Variants in CCDC73 observed in about 807,000 individuals in gnomAD.
CCDC73 encodes the protein coiled-coil domain containing 73, also known as coiled-coil domain-containing protein 73.
A neutral mutation model predicts 116.5 loss-of-function variants in CCDC73; 95 were observed. The ratio of observed to expected loss-of-function variants is 0.82; its 90% CI spans 0.69 to 0.97. CCDC73 has a LOEUF of 0.97. Among genes scored for constraint, CCDC73 ranks in the 50% least tolerant of loss-of-function variants. The pLI is 0.00. For missense variants in CCDC73, 1,066 were observed against 1,206.8 expected, an observed-to-expected ratio of 0.88 and a Z score of 1.73; for synonymous variants, 398 against 401.3, an observed-to-expected ratio of 0.99 and a Z score of 0.10.
chr11:32,815,918 C>G, the CCDC73 span, among the ~76,000 whole-genome samples: 1 of 152,140 alleles, frequency 6.6e-6, no homozygotes, highest in Admixed American at 6.5e-5. Flanking sequence ...GAAACTTCTT[C>G]TGGAGTGGGG....
intron 2 of CCDC73, among the ~76,000 whole-genome samples, chr11:32,741,598 G>A (rs931978252): frequency 1.3e-5 from 2 of 151,428 alleles, no homozygotes; most frequent in African/African-American, 4.9e-5. Context: ...TCTCTTGTAG[G>A]TAACAGATTG....
chr11:32,719,978 A>G (rs1849976479), intron 2 of CCDC73, among the ~76,000 whole-genome samples: 1 of 152,216 alleles, frequency 6.6e-6, no homozygotes, highest in Non-Finnish European at 1.5e-5. Flanking sequence ...AAATATTTAA[A>G]GAATTAACAC....
At position 32,613,551 on chromosome 11, in the gene CCDC73, T is replaced by G. The variant is rs777747155; in HGVS notation, c.2767A>C (p.Ser923Arg). The change falls in exon 16 of 18, where the codon AGT (serine) becomes CGT (arginine). Residue 923 changes from serine to arginine, a missense_variant. Coordinates refer to ENST00000335185, the MANE Select transcript of CCDC73 (RefSeq NM_001008391.4). ...VNHIESQTAS[S>R]STPCISLLLK... The stretch of plus-strand genomic sequence containing the variant: ...AACAAAGAAATGCAAGGGGTCGAAC[T>G]GCTCGCTGTTTGACTTTCAATGTGA... 3.7e-6 allele frequency: 6 copies of G among 1,614,048 alleles called. No individual in the cohort carries two copies. The highest frequency in any genetic ancestry group is 1.7e-5 in the Admixed American group (1 of 59,994).
chr11:32,821,047 G>GT, the CCDC73 span, among the ~76,000 whole-genome samples: 2 of 151,978 alleles, frequency 1.3e-5, no homozygotes, highest in Admixed American at 1.3e-4. Flanking sequence ...GTCTGAAAAT[G>GT]TTTAATTTTG....
chr11:32,783,280 G>T (rs1850598597), intron 1 of CCDC73, among the ~76,000 whole-genome samples: 3 of 152,112 alleles, frequency 2.0e-5, no homozygotes, highest in Admixed American at 1.3e-4. Context: ...TACCAGATTG[G>T]AATTTTAACA....
chr11:32,614,781 T>G lies in CCDC73; in HGVS notation c.1537A>C (p.Thr513Pro). ...CATATCTTGTCTTTTATTTCTGTAG[T>G]AACTGATTTTCTGTTGTCCGTAACA... is the stretch of plus-strand genomic sequence containing the variant. ...SNVTDNRKSVTTEIKDKICLE... is the reference protein window; with the variant it reads ...SNVTDNRKSVPTEIKDKICLE... The change falls in exon 16 of 18, where the codon ACT becomes CCT. Residue 513 changes from threonine (T) to proline (P), a missense_variant. By Grantham distance (38) the Thr-to-Pro change is conservative. Transcript: ENST00000335185. 1 of 1,613,436 alleles carries G rather than the reference T, an allele frequency of 6.2e-7. No individual in the cohort carries two copies. Among genetic ancestry groups the G allele is most frequent in the South Asian group, 1.1e-5 (1 of 91,048 alleles).
intron 14 of CCDC73, among the ~76,000 whole-genome samples, chr11:32,634,520 GATAAAGAGT>G (rs1372954431): frequency 6.6e-5 from 10 of 152,154 alleles, no homozygotes; most frequent in African/African-American, 2.4e-4. Flanking sequence ...TTCTCAAACT[GATAAAGAGT>G]ATAAACAAAA....
intron 17 of CCDC73, among the ~76,000 whole-genome samples, chr11:32,609,607 C>G (rs1004374927): frequency 1.3e-5 from 2 of 152,142 alleles, no homozygotes; most frequent in Non-Finnish European, 2.9e-5. Flanking sequence ...GTTGCTTCCA[C>G]ATTTTCGGGT....
At chr11:32,642,644 AT>A (rs1855743361) in intron 12 of CCDC73, among the ~76,000 whole-genome samples, 6 of 151,978 alleles carry the variant, frequency 3.9e-5, no homozygotes, top group African/African-American at 7.2e-5. Context: ...TAGAGTAAAA[AT>A]ACTACCATGT....
chr11:32,632,384 C>T (rs867321025), intron 14 of CCDC73, among the ~76,000 whole-genome samples: 7 of 152,114 alleles, frequency 4.6e-5, no homozygotes, highest in Non-Finnish European at 8.8e-5. Flanking sequence ...TGCCACCATG[C>T]CCGGATAATT....
At chr11:32,745,712 G>T (rs1261410906) in intron 2 of CCDC73, among the ~76,000 whole-genome samples, 5 of 132,618 alleles carry the variant, frequency 3.8e-5, no homozygotes, top group African/African-American at 5.7e-5. Context: ...TGCAACCCCT[G>T]GTTTTTGTTT....
intron 7 of CCDC73, among the ~76,000 whole-genome samples, chr11:32,679,157 A>T (rs1381019857): frequency 6.6e-6 from 1 of 152,144 alleles, no homozygotes; most frequent in South Asian, 2.1e-4. Flanking sequence ...TGATAAATGT[A>T]CTTAGTCCTG....
intron 14 of CCDC73, among the ~76,000 whole-genome samples, chr11:32,628,684 ACCT>A (rs1855598819): frequency 6.6e-6 from 1 of 152,220 alleles, no homozygotes; most frequent in African/African-American, 2.4e-5. Flanking sequence ...AAGTAACTTA[ACCT>A]CCTGTGAAAC....
At chr11:32,806,514 C>T in the CCDC73 span, among the ~76,000 whole-genome samples, 1 of 151,548 alleles carries the variant, frequency 6.6e-6, no homozygotes, top group East Asian at 1.9e-4. Flanking sequence ...GTCCCAGCTA[C>T]TCGGGAGGCT....
At chr11:32,809,823 A>G in the CCDC73 span, among the ~76,000 whole-genome samples, 1 of 152,210 alleles carries the variant, frequency 6.6e-6, no homozygotes, top group African/African-American at 2.4e-5. Context: ...TACTAGCTTC[A>G]TTGATATGTT....
At chr11:32,670,346 C>T (rs1856024825) in intron 9 of CCDC73, among the ~76,000 whole-genome samples, 1 of 152,046 alleles carries the variant, frequency 6.6e-6, no homozygotes, top group Admixed American at 6.6e-5. Flanking sequence ...CACGGTGAAA[C>T]CCCGTCTCTA....
rs1372126972 is a variant in CCDC73 at position 32,664,760 on chromosome 11, T to C, written c.646-9788A>G. On this transcript the variant is annotated intron_variant, in intron 9 of 17. Transcript: ENST00000335185. ...CTTGCTTGTGATGTTAGGGTGTCAA[T>C]TTTAGATCTTTCCTGCTTTCTCTTG... 3.9e-5 allele frequency among the ~76,000 whole-genome samples: 6 copies of C among 152,334 alleles called. No homozygotes were observed. In the East Asian group the frequency reaches 9.6e-4, roughly 24 times the overall value.
intron 14 of CCDC73, among the ~76,000 whole-genome samples, chr11:32,620,331 G>A (rs916226102): frequency 6.6e-6 from 1 of 152,106 alleles, no homozygotes; most frequent in Admixed American, 6.5e-5. Flanking sequence ...GGTTGAGAGG[G>A]TGGGAGAAGG....
intron 6 of CCDC73, among the ~76,000 whole-genome samples, chr11:32,685,953 C>T (rs1259099155): frequency 6.6e-6 from 1 of 151,912 alleles, no homozygotes; most frequent in East Asian, 2.0e-4. Context: ...ATCTCTTGAC[C>T]TCGTGATCTG....
Sources: allele counts gnomAD v4.1 joint callset (sites outside exome capture counted in the v4.1 genomes callset), GRCh38; gene constraint gnomAD v4.1.1; transcripts MANE v1.5; gene names NCBI Gene and HGNC (gene_info 2026-07-23, HGNC 2026-07-21).